Variants in PRR7 observed in about 807,000 individuals in gnomAD.
PRR7 encodes proline rich 7, synaptic.
Under a neutral mutation model 18.5 loss-of-function variants are expected in PRR7, and 8 were observed. The observed-to-expected ratio is 0.43, with a 90% CI of 0.25 to 0.78. The LOEUF is 0.78. PRR7 is among the 30% of genes least tolerant of loss of function. The probability of loss-of-function intolerance (pLI) is 0.22; values close to 1 mark genes in which losing one functional copy is unlikely to be tolerated. For synonymous variants in PRR7, 221 were observed against 187.7 expected (o/e 1.18, Z -1.45); for missense variants, 396 against 403.1 (o/e 0.98, Z 0.15).
chr5:177,453,200 C>T (rs918723798), intron 1 of PRR7, among the ~76,000 whole-genome samples: 1 of 152,220 alleles, frequency 6.6e-6, no homozygotes, highest in African/African-American at 2.4e-5. Flanking sequence ...CAGCTAAACC[C>T]CATCACCTCC....
At chr5:177,446,740 G>A (rs1304483969), upstream of PRR7, 1 of 151,406 alleles carries the variant, frequency 6.6e-6, no homozygotes, top group Non-Finnish European at 1.5e-5. The surrounding 1 kb of genome is among the most constrained non-coding windows in gnomAD (Gnocchi z 5.3). Flanking sequence ...GGGGCCCTCT[G>A]CCGGCTGCCG....
Position 177,456,131 on chromosome 5 carries a change from C to T in PRR7, c.*10C>T. Reference sequence around the variant, plus strand: ...GACTACAGCCGTATAGAGGGGCGCCCGGCGCCCCGGGCCCCACCGGCGGAC... The same window carrying T: ...GACTACAGCCGTATAGAGGGGCGCCTGGCGCCCCGGGCCCCACCGGCGGAC... On this transcript the variant is annotated 3_prime_UTR_variant, in exon 4 of 4. Coordinates refer to ENST00000323249, the MANE Select transcript of PRR7 (RefSeq NM_030567.5). The T allele has an allele frequency of 7.1e-7, 1 of 1,399,016 alleles. No individual in the cohort carries two copies. Among genetic ancestry groups the T allele is most frequent in the South Asian group, 1.5e-5 (1 of 65,708 alleles). The allele number at this position is 1,399,016 out of a possible 1,614,324, so 86.7% of individuals were successfully genotyped here.
At chr5:177,452,892 C>T (rs1297967848) in intron 1 of PRR7, among the ~76,000 whole-genome samples, 2 of 152,208 alleles carry the variant, frequency 1.3e-5, no homozygotes, top group Non-Finnish European at 2.9e-5. Flanking sequence ...TATTCCACAG[C>T]AGAGTCGGGC....
upstream of PRR7, chr5:177,446,694 G>A (rs918891301): frequency 6.6e-6 from 1 of 151,896 alleles, no homozygotes; most frequent in African/African-American, 2.4e-5. The surrounding 1 kb of genome is among the most constrained non-coding windows in gnomAD (Gnocchi z 5.3). Context: ...CCTTCCCTCC[G>A]GGGGCAGCCT....
At position 177,455,637 on chromosome 5, in the gene PRR7, T is replaced by TG; in HGVS notation, c.428-83dup. ...GGCGGGCTCGGGTTCGGGCTAGGGC[T>TG]GGGGCGCGGGCGGCCCCTGGCCGGG... On this transcript the variant is annotated intron_variant, in intron 3 of 3. Coordinates refer to ENST00000323249, the MANE Select transcript of PRR7 (RefSeq NM_030567.5). This position sits in a 1 kb window ranked among gnomAD's most constrained non-coding sequence, Gnocchi z 6.9. 7.0e-7 allele frequency: 1 copy of TG among 1,422,290 alleles called. No homozygotes were observed. The highest frequency in any genetic ancestry group is 9.2e-7 in the Non-Finnish European group (1 of 1,084,694). 88.1% of individuals were successfully genotyped at this position (1,422,290 alleles called of 1,614,324 possible).
At position 177,456,050 on chromosome 5, in the gene PRR7, G is replaced by A; in HGVS notation, c.754G>A (p.Glu252Lys). The A allele has an allele frequency of 1.3e-6, 2 of 1,579,306 alleles. No individual in the cohort carries two copies. Among genetic ancestry groups the A allele is most frequent in the Non-Finnish European group, 1.7e-6 (2 of 1,168,856 alleles). The change falls in exon 4 of 4, where the codon GAG becomes AAG. Residue 252 changes from glutamate to lysine, a missense_variant. By Grantham distance (56) the Glu-to-Lys change is moderately conservative. Coordinates refer to ENST00000323249, the MANE Select transcript of PRR7 (RefSeq NM_030567.5). ...SWTDSELSSR[E>K]PLEHGAWRLP... Reference sequence around the variant, plus strand: ...GACCGACTCAGAGCTCAGCAGCCGCGAGCCCCTGGAGCACGGAGCTTGGCG... The same window carrying A: ...GACCGACTCAGAGCTCAGCAGCCGCAAGCCCCTGGAGCACGGAGCTTGGCG...
In PRR7 at chr5:177,453,853, T is replaced by A. The variant is rs184170987; in HGVS notation, c.-324-103T>A. On this transcript the variant is annotated intron_variant, in intron 1 of 3. Coordinates refer to ENST00000323249, the MANE Select transcript of PRR7 (RefSeq NM_030567.5). ...AGGCTTTCGTTCAAACCTGTGTGTA[T>A]AAGGCATTCAGGAAAGGCTCAGTTC... 7.9e-5 allele frequency: 12 copies of A among 152,388 alleles called. No homozygotes were observed. In the East Asian group the frequency reaches 2.3e-3, roughly 29 times the overall value. The allele number at this position is 152,388 out of a possible 1,614,324, so 9.4% of individuals were successfully genotyped here. A position where few individuals can be genotyped will look rare whatever the true frequency, so the allele number is the denominator to read the frequency against.
intron 1 of PRR7, among the ~76,000 whole-genome samples, chr5:177,451,725 AG>A (rs34375421): frequency 6.0e-5 from 5 of 83,424 alleles, no homozygotes; most frequent in Admixed American, 2.2e-4. Flanking sequence ...TGTGGTGCCC[AG>A]CCCTCAGGCA....
chr5:177,455,742 A>C lies in PRR7; in HGVS notation c.446A>C (p.Lys149Thr). ...YPRQAESDMS[K>T]PPCYEEAVLM... ...TCCGCAGCGGAATCGGACATGTCCA[A>C]ACCACCGTGTTACGAAGAGGCGGTG... The change falls in exon 4 of 4, where the codon AAA becomes ACA. Residue 149 changes from lysine (K) to threonine (T), a missense_variant. Physicochemically the swap from Lys to Thr is moderately conservative, Grantham distance 78 (BLOSUM62 -1). Transcript: ENST00000323249. This position sits in a 1 kb window ranked among gnomAD's most constrained non-coding sequence, Gnocchi z 6.9. 1.2e-6 allele frequency: 2 copies of C among 1,603,870 alleles called. No homozygotes were observed. The highest frequency in any genetic ancestry group is 1.7e-6 in the Non-Finnish European group (2 of 1,174,802).
In PRR7 at chr5:177,455,037, C is replaced by G. The variant is rs779839834; in HGVS notation, c.-31C>G. ...CAGCGGAGCCCAGTGTCCAGTGAAG[C>G]GTCTGAGGACCCGCCGCCCGTGCCG... On this transcript the variant is annotated 5_prime_UTR_variant, in exon 3 of 4. Transcript: ENST00000323249. This position sits in a 1 kb window ranked among gnomAD's most constrained non-coding sequence, Gnocchi z 6.9. The G allele has an allele frequency of 1.4e-6, 2 of 1,439,530 alleles. No homozygotes were observed. Among genetic ancestry groups the G allele is most frequent in the Non-Finnish European group, 1.8e-6 (2 of 1,097,616 alleles). The allele number at this position is 1,439,530 out of a possible 1,614,324, so 89.2% of individuals were successfully genotyped here.
Position 177,454,383 on chromosome 5 carries a change from G to A in PRR7, c.-240+343G>A, listed in dbSNP as rs564548958. ...TTTGGGCAGCCAGGGGCTGCCAGGC[G>A]TCTGTACAGGGCGTCGGGTGGCTGT... On this transcript the variant is annotated intron_variant, in intron 2 of 3. Coordinates refer to ENST00000323249, the MANE Select transcript of PRR7 (RefSeq NM_030567.5). The surrounding 1 kb of genome is among the most constrained non-coding windows in gnomAD (Gnocchi z 4.7). Among the ~76,000 whole-genome samples, 60 of 152,296 alleles carry A rather than the reference G, an allele frequency of 3.9e-4. No individual in the cohort carries two copies. The highest frequency in any genetic ancestry group is 1.4e-3 in the African/African-American group (57 of 41,576).
At chr5:177,451,714 C>G (rs335447) in intron 1 of PRR7, among the ~76,000 whole-genome samples, 1 of 84,926 alleles carries the variant, frequency 1.2e-5, no homozygotes, top group Admixed American at 1.1e-4. Flanking sequence ...CGGAGAGTGA[C>G]TGTGGTGCCC....
intron 1 of PRR7, among the ~76,000 whole-genome samples, chr5:177,452,598 T>C (rs890734678): frequency 3.9e-5 from 6 of 152,144 alleles, no homozygotes; most frequent in Non-Finnish European, 5.9e-5. Context: ...CAGTGTCAAA[T>C]CCCTACCCAC....
chr5:177,452,913 G>A (rs1416272672), intron 1 of PRR7, among the ~76,000 whole-genome samples: 1 of 152,184 alleles, frequency 6.6e-6, no homozygotes, highest in Non-Finnish European at 1.5e-5. Context: ...TGGTGATCAG[G>A]CATGCCAGGG....
Position 177,455,391 on chromosome 5 carries a change from G to A in PRR7, c.324G>A (p.Gln108=). 6.7e-7 allele frequency: 1 copy of A among 1,493,450 alleles called. No individual in the cohort carries two copies. The highest frequency in any genetic ancestry group is 8.9e-7 in the Non-Finnish European group (1 of 1,127,522). The allele number at this position is 1,493,450 out of a possible 1,614,324, so 92.5% of individuals were successfully genotyped here. A position where few individuals can be genotyped will look rare whatever the true frequency, so the allele number is the denominator to read the frequency against. ...CGCTGCTGCACCACGGGCCCGCGCA[G>A]CCGCACGCGCACGCGCACCCACACC... ...VHPLLHHGPA[Q]PHAHAHPHPH... Residue 108 remains glutamine (Q), a synonymous_variant, in exon 3 of 4, where the codon CAG becomes CAA. Transcript: ENST00000323249. This position sits in a 1 kb window ranked among gnomAD's most constrained non-coding sequence, Gnocchi z 6.9.
chr5:177,455,487 G>A lies in PRR7; in HGVS notation c.420G>A (p.Pro140=). Residue 140 remains proline (P), a synonymous_variant, in exon 3 of 4, where the codon CCG becomes CCA. Coordinates refer to ENST00000323249, the MANE Select transcript of PRR7 (RefSeq NM_030567.5). This position sits in a 1 kb window ranked among gnomAD's most constrained non-coding sequence, Gnocchi z 6.9. ...LSVPPRPWSY[P]RQAESDMSKP... ...TGCCGCCACGGCCCTGGAGCTACCC[G>A]CGCCAAGGTGAGTACCGACCTCCGC... 1.3e-6 allele frequency: 2 copies of A among 1,496,202 alleles called. No individual in the cohort carries two copies. Among genetic ancestry groups the A allele is most frequent in the East Asian group, 2.7e-5 (1 of 37,244 alleles). 92.7% of individuals were successfully genotyped at this position (1,496,202 alleles called of 1,614,324 possible).
At chr5:177,447,818 G>C (rs1755972117) in intron 1 of PRR7, 1 of 152,488 alleles carries the variant, frequency 6.6e-6, no homozygotes, top group Non-Finnish European at 1.5e-5. Flanking sequence ...ACCCAGGGAA[G>C]CTGAAGCCCA....
intron 1 of PRR7, among the ~76,000 whole-genome samples, chr5:177,451,179 C>G (rs943827530): frequency 7.9e-5 from 12 of 152,224 alleles, no homozygotes; most frequent in African/African-American, 2.9e-4. Context: ...GGTGCTTTGG[C>G]CTGTAAGGCT....
Position 177,456,021 on chromosome 5 carries a change from G to T in PRR7, c.725G>T (p.Ser242Ile). 1 of 1,580,186 alleles carries T rather than the reference G, an allele frequency of 6.3e-7. No individual in the cohort carries two copies. The change falls in exon 4 of 4, where the codon AGC (serine) becomes ATC (isoleucine). Residue 242 changes from serine (S) to isoleucine (I), a missense_variant. This residue lies in a region of PRR7 where 383 missense variants were observed against 372.6 expected (regional missense o/e 1.03). Coordinates refer to ENST00000323249, the MANE Select transcript of PRR7 (RefSeq NM_030567.5). The stretch of plus-strand genomic sequence containing the variant: ...GACCGTGGCCGCCGGGTCTTCCCCA[G>T]CTGGACCGACTCAGAGCTCAGCAGC... Reference protein sequence around the residue: ...QADRGRRVFPSWTDSELSSRE... With the variant: ...QADRGRRVFPIWTDSELSSRE...
Sources: allele counts gnomAD v4.1 joint callset (sites outside exome capture counted in the v4.1 genomes callset), GRCh38; gene constraint gnomAD v4.1.1; regional missense constraint gnomAD v4.1.1; non-coding constraint Gnocchi (gnomAD v3.1); transcripts MANE v1.5; gene names NCBI Gene and HGNC (gene_info 2026-07-23, HGNC 2026-07-21).